The following ASMTL variants were observed in gnomAD, a reference collection of about 807,000 sequenced individuals.
The protein encoded by ASMTL is acetylserotonin O-methyltransferase like, also known as probable bifunctional dTTP/UTP pyrophosphatase/methyltransferase protein.
ASMTL carries 57 observed loss-of-function variants against 60.3 expected under a neutral mutation model. That is an observed-to-expected ratio of 0.95 (90% CI 0.76 to 1.18). ASMTL has a LOEUF of 1.18. Ranked by LOEUF, ASMTL falls within the 50% of genes most tolerant of loss-of-function variation. The pLI is 0.00. For synonymous variants in ASMTL, 419 were observed against 373.0 expected, an observed-to-expected ratio of 1.12 and a Z score of -1.42; for missense variants, 981 against 852.6, an observed-to-expected ratio of 1.15 and a Z score of -1.88.
chrX:1,436,415 C>G (rs6644944), intron 3 of ASMTL, among the ~76,000 whole-genome samples: 11,206 of 151,056 alleles, frequency 0.074, 1,230 homozygotes, highest in African/African-American at 0.25. Context: ...TGCAGTGGCG[C>G]GATCTCGGCT....
intron 11 of ASMTL, among the ~76,000 whole-genome samples, chrX:1,416,649 A>G (rs1406875373): frequency 6.6e-6 from 1 of 151,996 alleles, no homozygotes; most frequent in Non-Finnish European, 1.5e-5. Flanking sequence ...ATATGCAAGC[A>G]CACACCACAG....
intron 11 of ASMTL, among the ~76,000 whole-genome samples, chrX:1,417,461 G>C: frequency 6.8e-6 from 1 of 146,530 alleles, no homozygotes; most frequent in East Asian, 2.1e-4. Flanking sequence ...ACACAGACGT[G>C]CACACACAGT....
At position 1,418,842 on chromosome X, in the gene ASMTL, C is replaced by T. The variant is rs188173742; in HGVS notation, c.1378+140G>A. 7.4e-5 allele frequency: 80 copies of T among 1,083,780 alleles called. 1 individual carries two copies. The East Asian group carries it at 1.9e-3, about 25-fold the overall frequency. The allele number at this position is 1,083,780 out of a possible 1,614,324, so 67.1% of individuals were successfully genotyped here. A position where few individuals can be genotyped will look rare whatever the true frequency, so the allele number is the denominator to read the frequency against. ...GAACTTGGGAATATCCACCCATGAT[C>T]TGGGACTCAGCCTGGCCCGGTTCAG... On this transcript the variant is annotated intron_variant, in intron 10 of 12. Coordinates refer to ENST00000381317, the MANE Select transcript of ASMTL (RefSeq NM_004192.4).
rs3183025 is a variant in ASMTL, at chrX:1,435,756, T to C, written c.276A>G (p.Thr92=). The change falls in exon 4 of 13, where the codon ACA becomes ACG. Residue 92 remains threonine, a splice_region_variant and synonymous_variant. Transcript: ENST00000381317. ...DVVIGADTIV[T]VGGLILEKPV... is the part of the protein sequence containing the mutation. ...GCTTCTCCAGAATCAGCCCCCCGAC[T>C]GTCTGTGAGAGGAAGGGACAGAGGG... 0.33 allele frequency: 536,245 copies of C among 1,609,720 alleles called. 91,688 individuals carry two copies. Among genetic ancestry groups the C allele is most frequent in the African/African-American group, 0.5 (37,254 of 74,632 alleles).
chrX:1,427,981 G>A lies in ASMTL; in HGVS notation c.650C>T (p.Pro217Leu), dbSNP rs752429560. Residue 217 changes from proline (P) to leucine (L), a missense_variant, in exon 7 of 13, where the codon CCG becomes CTG. Physicochemically the swap from Pro to Leu is moderately conservative, Grantham distance 98. Transcript: ENST00000381317. ...QLVKLYYPPRPEDLRRSVKHD... is the reference protein window; with the variant it reads ...QLVKLYYPPRLEDLRRSVKHD... ...CTTGACACTCCGCCGCAGGTCCTCC[G>A]GACGGGGCGGGTAGTAGAGCTTCAC... The A allele has an allele frequency of 1.2e-5, 19 of 1,613,218 alleles. No individual in the cohort carries two copies. The highest frequency in any genetic ancestry group is 8.9e-5 in the East Asian group (4 of 44,892).
At chrX:1,448,653 C>A (rs1402164172) in intron 1 of ASMTL, among the ~76,000 whole-genome samples, 1 of 151,944 alleles carries the variant, frequency 6.6e-6, no homozygotes, top group African/African-American at 2.4e-5. Flanking sequence ...CTTGGATAAG[C>A]ACCACCATCT....
chrX:1,439,574 C>T (rs1412802839), intron 2 of ASMTL, among the ~76,000 whole-genome samples: 3 of 152,060 alleles, frequency 2.0e-5, no homozygotes, highest in South Asian at 2.1e-4. Context: ...GGGCTGGGCG[C>T]GGTGGCTCAC....
rs1466015605 is a variant in ASMTL at position 1,427,810 on chromosome X, C to T, written c.821G>A (p.Cys274Tyr). 6 of 1,612,726 alleles carry T rather than the reference C, an allele frequency of 3.7e-6. No homozygotes were observed. The highest frequency in any genetic ancestry group is 3.3e-5 in the Admixed American group (2 of 59,984). Residue 274 changes from cysteine to tyrosine, a missense_variant, in exon 7 of 13, where the codon TGT (cysteine) becomes TAT (tyrosine). By Grantham distance (194) the Cys-to-Tyr change is radical. Coordinates refer to ENST00000381317, the MANE Select transcript of ASMTL (RefSeq NM_004192.4). ...AGGCAGGGTCTCCCGAGTCCTGTGA[C>T]ACTCAGCCTCTGCCGTGGCCTGTCC... Reference protein sequence around the residue: ...EAGQATAEAECHRTRETLPPF... With the variant: ...EAGQATAEAEYHRTRETLPPF...
intron 11 of ASMTL, among the ~76,000 whole-genome samples, chrX:1,415,214 T>TCCAGGCATGAGCCTGGGCATGTGGC (rs1556655726): frequency 6.6e-6 from 1 of 151,808 alleles, no homozygotes; most frequent in African/African-American, 2.4e-5. Flanking sequence ...GGGCTGGGAT[T>TCCAGGCATGAGCCTGGGCATGTGGC]CCAGGCGTCT....
At chrX:1,447,049 T>C (rs1344974662) in intron 1 of ASMTL, among the ~76,000 whole-genome samples, 1 of 152,246 alleles carries the variant, frequency 6.6e-6, no homozygotes, top group African/African-American at 2.4e-5. Context: ...TTCTGCTTTC[T>C]TAAAGCCCTG....
chrX:1,423,842 A>G (rs1368659083), intron 8 of ASMTL, among the ~76,000 whole-genome samples: 5 of 146,906 alleles, frequency 3.4e-5, no homozygotes, highest in Non-Finnish European at 7.5e-5. Context: ...CCACTCATCC[A>G]TCCATTCACA....
chrX:1,406,279 A>C (rs1220611141), intron 12 of ASMTL, among the ~76,000 whole-genome samples: 1 of 147,828 alleles, frequency 6.8e-6, no homozygotes, highest in Non-Finnish European at 1.5e-5. Context: ...CATGGATGAG[A>C]TGGATGGTTG....
chrX:1,404,317 CATAG>C (rs201092282), intron 12 of ASMTL, among the ~76,000 whole-genome samples: 15,257 of 111,476 alleles, frequency 0.14, 921 homozygotes, highest in Admixed American at 0.2. Context: ...ATCATGGGTA[CATAG>C]ATAGATGAAT....
chrX:1,407,542 T>C lies in ASMTL; in HGVS notation c.1646-4053A>G, dbSNP rs112479885. 4.6e-3 allele frequency among the ~76,000 whole-genome samples: 694 copies of C among 151,802 alleles called. 7 individuals carry two copies. Among genetic ancestry groups the C allele is most frequent in the African/African-American group, 0.016 (670 of 41,368 alleles). ...TGGTAGATGATGGGTAGGTAGATGA[T>C]GGATGGATGGATAGATAATAAATGA... On this transcript the variant is annotated intron_variant, in intron 12 of 12. Transcript: ENST00000381317.
chrX:1,410,633 C>A (rs766672271), intron 12 of ASMTL, among the ~76,000 whole-genome samples: 8 of 151,946 alleles, frequency 5.3e-5, no homozygotes, highest in Non-Finnish European at 1.5e-5. Flanking sequence ...AGGCTGGTCT[C>A]GAACTCCTGA....
At chrX:1,432,235 T>G (rs772695870) in intron 6 of ASMTL, 34 bp downstream of exon 6, 1 of 1,543,306 alleles carries the variant, frequency 6.5e-7, no homozygotes, top group South Asian at 1.1e-5. Flanking sequence ...CTTCCACACG[T>G]GTCCCCCGTC....
At position 1,432,390 on chromosome X, in the gene ASMTL, A is replaced by AGCCGTGGGGGTGAGCGTGGAC; in HGVS notation, c.401-34_401-14dup. On this transcript the variant is annotated splice_polypyrimidine_tract_variant and intron_variant, in intron 5 of 12. Transcript: ENST00000381317. ...TCCAGCTGATGGTCTGCAAGGACAC[A>AGCCGTGGGGGTGAGCGTGGAC]GCCGTGGGGGTGAGCGTGGACGCCA... The AGCCGTGGGGGTGAGCGTGGAC allele has an allele frequency of 1.9e-6, 3 of 1,606,604 alleles. No homozygotes were observed. The Admixed American group carries it at 5.0e-5, about 27-fold the overall frequency.
At chrX:1,417,142 C>T (rs2090314386) in intron 11 of ASMTL, among the ~76,000 whole-genome samples, 1 of 151,444 alleles carries the variant, frequency 6.6e-6, no homozygotes, top group Non-Finnish European at 1.5e-5. Flanking sequence ...CACACAACCA[C>T]AGCAGTCACA....
chrX:1,433,171 G>C (rs774610769), intron 5 of ASMTL, among the ~76,000 whole-genome samples: 1 of 152,180 alleles, frequency 6.6e-6, no homozygotes, highest in African/African-American at 2.4e-5. Context: ...CCTGAATCCC[G>C]GGGAATCTGT....
Sources: gnomAD v4.1 joint callset for allele counts (sites outside exome capture counted in the v4.1 genomes callset) on GRCh38, gnomAD v4.1.1 for gene constraint, MANE v1.5 for transcripts, NCBI Gene and HGNC (gene_info 2026-07-23, HGNC 2026-07-21) for gene names.